AKR1E2: variants seen among roughly 807,000 people sequenced by gnomAD.
AKR1E2 encodes the protein aldo-keto reductase family 1 member E2.
A neutral mutation model predicts 41.9 loss-of-function variants in AKR1E2; 43 were observed. That is an observed-to-expected ratio of 1.03 (90% confidence interval 0.80 to 1.32). AKR1E2 has a LOEUF of 1.32. Ranked by LOEUF, AKR1E2 falls within the 40% of genes most tolerant of loss-of-function variation. The probability of loss-of-function intolerance (pLI) is 0.00; values close to 1 mark genes in which losing one functional copy is unlikely to be tolerated. For synonymous variants in AKR1E2, 121 were observed against 138.9 expected, an observed-to-expected ratio of 0.87 and a Z score of 0.91; for missense variants, 423 against 396.5, an observed-to-expected ratio of 1.07 and a Z score of -0.57.
chr10:4,825,428 G>A (rs912640596), upstream of AKR1E2, among the ~76,000 whole-genome samples: 1 of 152,136 alleles, frequency 6.6e-6, no homozygotes, highest in Middle Eastern at 3.2e-3. Context: ...CTGGCCCTGG[G>A]GGAGCCCAGT....
chr10:4,865,596 T>C, the AKR1E2 span, among the ~76,000 whole-genome samples: 1 of 152,162 alleles, frequency 6.6e-6, no homozygotes. Context: ...CCACTCAAAC[T>C]AGCAAAAGTA....
chr10:4,830,872 G>C lies in AKR1E2; in HGVS notation c.207+30G>C, dbSNP rs374466498. ...GGCTTCTCTATGCAAGGCTGGCAGAGCTTGGGTAATGCTACATCTCTGGAG... is the reference window on the plus strand; with the variant it reads ...GGCTTCTCTATGCAAGGCTGGCAGACCTTGGGTAATGCTACATCTCTGGAG... On this transcript the variant is annotated intron_variant, in intron 2 of 9. Coordinates refer to ENST00000298375, the MANE Select transcript of AKR1E2 (RefSeq NM_001040177.3). 1.5e-5 allele frequency: 25 copies of C among 1,613,030 alleles called. 1 individual carries two copies. In the South Asian group the frequency reaches 2.7e-4, roughly 18 times the overall value.
At chr10:4,846,532 A>G (rs971554857) in intron 8 of AKR1E2, among the ~76,000 whole-genome samples, 1 of 151,644 alleles carries the variant, frequency 6.6e-6, no homozygotes, top group Non-Finnish European at 1.5e-5. Context: ...AGTCAGTGGG[A>G]AAAATTCTGT....
the AKR1E2 span, among the ~76,000 whole-genome samples, chr10:4,871,339 T>C: frequency 6.6e-6 from 1 of 152,178 alleles, no homozygotes; most frequent in African/African-American, 2.4e-5. Flanking sequence ...TTTATTCAAC[T>C]TGAGACCATC....
chr10:4,828,115 C>G (rs1375102063), intron 1 of AKR1E2, among the ~76,000 whole-genome samples: 1 of 152,158 alleles, frequency 6.6e-6, no homozygotes, highest in African/African-American at 2.4e-5. Flanking sequence ...AGAAATGCTG[C>G]ATCAATGGCC....
intron 6 of AKR1E2, among the ~76,000 whole-genome samples, chr10:4,840,066 C>T (rs576673374): frequency 1.1e-4 from 17 of 152,172 alleles, no homozygotes; most frequent in African/African-American, 3.6e-4. Flanking sequence ...TCTTCAGGGA[C>T]GTAAATCAGC....
At chr10:4,833,909 C>G (rs1335237989) in intron 3 of AKR1E2, among the ~76,000 whole-genome samples, 1 of 152,162 alleles carries the variant, frequency 6.6e-6, no homozygotes, top group East Asian at 1.9e-4. Flanking sequence ...GCAGCAGGGT[C>G]CAGTGGGTTG....
intron 8 of AKR1E2, chr10:4,845,679 C>T (rs1201992276): frequency 3.0e-5 from 14 of 468,066 alleles, no homozygotes; most frequent in East Asian, 2.1e-4. Context: ...GCCCTTCTGC[C>T]GTCGTGGCTC....
chr10:4,855,209 A>C, the AKR1E2 span, among the ~76,000 whole-genome samples: 1 of 152,182 alleles, frequency 6.6e-6, no homozygotes, highest in African/African-American at 2.4e-5. Context: ...GGTTGAATGA[A>C]TGGTAAAAAT....
At chr10:4,857,799 A>G in the AKR1E2 span, among the ~76,000 whole-genome samples, 1 of 152,070 alleles carries the variant, frequency 6.6e-6, no homozygotes, top group Admixed American at 6.6e-5. Flanking sequence ...AACTTTTTAC[A>G]CTACTCTCTC....
intron 4 of AKR1E2, among the ~76,000 whole-genome samples, chr10:4,836,412 G>T (rs1013519739): frequency 3.3e-5 from 5 of 152,186 alleles, no homozygotes; most frequent in Non-Finnish European, 5.9e-5. Context: ...TTGACCCACA[G>T]GCTGGGGTGG....
chr10:4,840,086 C>T (rs1313923606), intron 6 of AKR1E2, among the ~76,000 whole-genome samples: 1 of 152,124 alleles, frequency 6.6e-6, no homozygotes, highest in African/African-American at 2.4e-5. Flanking sequence ...CCTGGAGTGA[C>T]CCCTTTGCTG....
the AKR1E2 span, among the ~76,000 whole-genome samples, chr10:4,867,860 G>A: frequency 1.3e-5 from 2 of 152,068 alleles, no homozygotes; most frequent in African/African-American, 2.4e-5. Flanking sequence ...CTCAGGGTCC[G>A]TCTTTCTTAT....
At chr10:4,825,914 G>A (rs1205794394), upstream of AKR1E2, among the ~76,000 whole-genome samples, 1 of 152,150 alleles carries the variant, frequency 6.6e-6, no homozygotes, top group African/African-American at 2.4e-5. Flanking sequence ...GCAACCAGGA[G>A]GTCACACCTA....
chr10:4,862,108 T>A, the AKR1E2 span, among the ~76,000 whole-genome samples: 1 of 152,238 alleles, frequency 6.6e-6, no homozygotes. Context: ...AGTTTTTGTA[T>A]AAGGTGTAAG....
At chr10:4,844,381 G>A (rs186307775) in intron 8 of AKR1E2, among the ~76,000 whole-genome samples, 1 of 152,328 alleles carries the variant, frequency 6.6e-6, no homozygotes, top group African/African-American at 2.4e-5. Flanking sequence ...CCCAAAGAGT[G>A]AGCAGCAGCA....
At chr10:4,855,667 T>G in the AKR1E2 span, among the ~76,000 whole-genome samples, 1 of 152,206 alleles carries the variant, frequency 6.6e-6, no homozygotes, top group South Asian at 2.1e-4. Flanking sequence ...ATTTATTGGC[T>G]TAAAAAGAAT....
the AKR1E2 span, among the ~76,000 whole-genome samples, chr10:4,870,783 A>G: frequency 1.1e-4 from 16 of 151,994 alleles, no homozygotes; most frequent in Non-Finnish European, 1.8e-4. Flanking sequence ...TTGTTTGAAG[A>G]TCACTTATCT....
intron 8 of AKR1E2, 48 bp from the exon 9 acceptor site, chr10:4,847,100 A>G (rs1834389841): frequency 6.2e-7 from 1 of 1,606,736 alleles, no homozygotes; most frequent in Non-Finnish European, 8.5e-7. Flanking sequence ...TGCTCCATTA[A>G]ATGTGAATTA....
Sources: allele counts gnomAD v4.1 joint callset (sites outside exome capture counted in the v4.1 genomes callset), GRCh38; gene constraint gnomAD v4.1.1; transcripts MANE v1.5; gene names NCBI Gene and HGNC (gene_info 2026-07-23, HGNC 2026-07-21).